The following GPR158 variants were observed in gnomAD, a reference collection of about 807,000 sequenced individuals.
The protein encoded by GPR158 is metabotropic glycine receptor.
A neutral mutation model predicts 78.2 loss-of-function variants in GPR158; 30 were observed. The ratio of observed to expected loss-of-function variants is 0.38; its 90% confidence interval spans 0.29 to 0.52. The LOEUF is 0.52. Ranked by LOEUF, GPR158 falls within the 20% of genes least tolerant of loss-of-function variation. The probability of loss-of-function intolerance (pLI) is 0.83; values close to 1 mark genes in which losing one functional copy is unlikely to be tolerated. For synonymous variants in GPR158, 581 were observed against 591.1 expected, an observed-to-expected ratio of 0.98 and a Z score of 0.25; for missense variants, 1,463 against 1,523.5, an observed-to-expected ratio of 0.96 and a Z score of 0.66.
At chr10:25,504,065 A>T (rs1266145753) in intron 5 of GPR158, among the ~76,000 whole-genome samples, 1 of 151,608 alleles carries the variant, frequency 6.6e-6, no homozygotes, top group African/African-American at 2.4e-5. Flanking sequence ...TAATTTTTGT[A>T]TTATTAATAG....
intron 4 of GPR158, among the ~76,000 whole-genome samples, chr10:25,417,030 GAA>G (rs34227377): frequency 6.8e-6 from 1 of 147,398 alleles, no homozygotes; most frequent in Admixed American, 6.7e-5. Flanking sequence ...CAAATGGGAG[GAA>G]AAAAAAAATA....
Position 25,238,047 on chromosome 10 carries a change from CTTTCT to C in GPR158, c.1008+16901_1008+16905del, listed in dbSNP as rs991713306. On this transcript the variant is annotated intron_variant, in intron 2 of 10. Coordinates refer to ENST00000376351, the MANE Select transcript of GPR158 (RefSeq NM_020752.3). ...CTTCCTTTTTTAAAAAAATTCTTGTCTTTCTTTTCTTTTCTCTCCTTCTTCTTCCT... is the reference window on the plus strand; with the variant it reads ...CTTCCTTTTTTAAAAAAATTCTTGTCTTTCTTTTCTCTCCTTCTTCTTCCT... Among the ~76,000 whole-genome samples, 3 of 141,152 alleles carry C rather than the reference CTTTCT, an allele frequency of 2.1e-5. No homozygotes were observed. The Admixed American group carries it at 2.1e-4, about 10-fold the overall frequency. The allele number at this position is 141,152 out of a possible 152,430, so 92.6% of individuals were successfully genotyped here.
At chr10:25,415,645 G>C (rs181113949) in intron 4 of GPR158, among the ~76,000 whole-genome samples, 2 of 152,176 alleles carry the variant, frequency 1.3e-5, no homozygotes, top group East Asian at 1.9e-4. Flanking sequence ...TCCACTCCCA[G>C]TATATATCCA....
chr10:25,291,866 A>C (rs492839), intron 2 of GPR158, among the ~76,000 whole-genome samples: 7,649 of 152,156 alleles, frequency 0.05, 250 homozygotes, highest in Non-Finnish European at 0.077. Flanking sequence ...ATAGCTGAGA[A>C]AGCAATTTCA....
chr10:25,409,085 G>A (rs1438806991), intron 3 of GPR158, among the ~76,000 whole-genome samples: 1 of 152,186 alleles, frequency 6.6e-6, no homozygotes, highest in East Asian at 1.9e-4. Context: ...AGCACAAACT[G>A]CTGCCAGGGA....
At chr10:25,252,081 C>T (rs1467239646) in intron 2 of GPR158, among the ~76,000 whole-genome samples, 2 of 152,088 alleles carry the variant, frequency 1.3e-5, no homozygotes, top group African/African-American at 4.8e-5. Flanking sequence ...CCATTGCTGA[C>T]ACCCTTTCTT....
intron 1 of GPR158, among the ~76,000 whole-genome samples, chr10:25,218,206 A>G (rs558825764): frequency 5.1e-4 from 77 of 152,060 alleles, no homozygotes; most frequent in African/African-American, 1.7e-3. Context: ...CTGGGCGCCC[A>G]GGCTTAGGCT....
intron 5 of GPR158, among the ~76,000 whole-genome samples, chr10:25,479,227 A>T (rs1835630224): frequency 6.6e-6 from 1 of 152,208 alleles, no homozygotes; most frequent in South Asian, 2.1e-4. Flanking sequence ...ATTGTAATAC[A>T]TTTAAAAGAT....
At chr10:25,477,416 T>C (rs1424583457) in intron 5 of GPR158, among the ~76,000 whole-genome samples, 1 of 152,176 alleles carries the variant, frequency 6.6e-6, no homozygotes, top group African/African-American at 2.4e-5. Flanking sequence ...TTGAGCACTT[T>C]CCTATGTTCT....
intron 6 of GPR158, 128 bp from the exon 7 acceptor site, chr10:25,572,520 CA>C (rs2130731744): frequency 1.4e-6 from 1 of 726,624 alleles, no homozygotes; most frequent in South Asian, 1.7e-5. Context: ...AAAACAAATA[CA>C]AAACAAAGCA....
intron 2 of GPR158, among the ~76,000 whole-genome samples, chr10:25,372,921 G>A (rs1430284199): frequency 6.6e-6 from 1 of 151,754 alleles, no homozygotes; most frequent in African/African-American, 2.4e-5. Flanking sequence ...AAACAGAACT[G>A]TCATTTGACT....
intron 5 of GPR158, among the ~76,000 whole-genome samples, chr10:25,472,868 G>T (rs2130625784): frequency 6.6e-6 from 1 of 152,316 alleles, no homozygotes; most frequent in Admixed American, 6.5e-5. Flanking sequence ...AGACACTGGA[G>T]TTTTCTAAAT....
intron 5 of GPR158, among the ~76,000 whole-genome samples, chr10:25,510,829 A>T (rs1836075234): frequency 6.6e-6 from 1 of 152,218 alleles, no homozygotes; most frequent in Non-Finnish European, 1.5e-5. Context: ...TACTTCACTT[A>T]GAATAATGGT....
At chr10:25,323,683 C>CT (rs75076220) in intron 2 of GPR158, among the ~76,000 whole-genome samples, 21,696 of 142,576 alleles carry the variant, frequency 0.15, 3,065 homozygotes, top group African/African-American at 0.38. Flanking sequence ...CCAGCTATTA[C>CT]TTTTTTTTTT....
At chr10:25,328,911 GA>G (rs1855075621) in intron 2 of GPR158, among the ~76,000 whole-genome samples, 1 of 84,110 alleles carries the variant, frequency 1.2e-5, no homozygotes, top group South Asian at 3.8e-4. Flanking sequence ...TGGGCAACAA[GA>G]GCGAAACTTC....
chr10:25,382,731 G>A (rs183212100), intron 2 of GPR158, among the ~76,000 whole-genome samples: 2 of 152,296 alleles, frequency 1.3e-5, no homozygotes, highest in African/African-American at 2.4e-5. Flanking sequence ...GTGGGAAAGA[G>A]GCTACTGAAT....
At chr10:25,407,832 T>C (rs1834534600) in intron 3 of GPR158, among the ~76,000 whole-genome samples, 2 of 152,326 alleles carry the variant, frequency 1.3e-5, no homozygotes, top group South Asian at 4.1e-4. Flanking sequence ...CCCTGCTCTT[T>C]CCCTTGTCCT....
At chr10:25,584,474 T>G (rs913833555) in intron 7 of GPR158, among the ~76,000 whole-genome samples, 2 of 152,256 alleles carry the variant, frequency 1.3e-5, no homozygotes, top group African/African-American at 4.8e-5. Flanking sequence ...AAATCTTATT[T>G]TGTCTTATAT....
At position 25,527,996 on chromosome 10, in the gene GPR158, A is replaced by T. The variant is rs150482277; in HGVS notation, c.1405-22980A>T. Reference sequence around the variant, plus strand: ...ACTTACTAAAATTGACAGAAGAGATAGGAAATTTGAATACACATTTTCATA... The same window carrying T: ...ACTTACTAAAATTGACAGAAGAGATTGGAAATTTGAATACACATTTTCATA... On this transcript the variant is annotated intron_variant, in intron 5 of 10. Transcript: ENST00000376351. Among the ~76,000 whole-genome samples the T allele has an allele frequency of 2.1e-3, 323 of 152,252 alleles. 3 individuals carry two copies. The highest frequency in any genetic ancestry group is 7.5e-3 in the African/African-American group (311 of 41,576).
Sources: allele counts gnomAD v4.1 joint callset (sites outside exome capture counted in the v4.1 genomes callset), GRCh38; gene constraint gnomAD v4.1.1; transcripts MANE v1.5; gene names NCBI Gene and HGNC (gene_info 2026-07-23, HGNC 2026-07-21).